GALM: variants seen among roughly 807,000 people sequenced by gnomAD.
GALM encodes aldose 1-epimerase.
A neutral mutation model predicts 37.4 loss-of-function variants in GALM; 43 were observed. The ratio of observed to expected loss-of-function variants is 1.15; its 90% confidence interval spans 0.90 to 1.48. The LOEUF (loss-of-function observed/expected upper bound fraction) is 1.48. Ranked by LOEUF, GALM falls within the 40% of genes most tolerant of loss-of-function variation. The probability of loss-of-function intolerance (pLI) is 0.00; values close to 1 mark genes in which losing one functional copy is unlikely to be tolerated. For synonymous variants in GALM, 199 were observed against 170.6 expected, an observed-to-expected ratio of 1.17 and a Z score of -1.30; for missense variants, 456 against 419.1, an observed-to-expected ratio of 1.09 and a Z score of -0.77.
chr2:38,727,882 A>G lies in GALM; in HGVS notation c.635-1674A>G, dbSNP rs1408065934. The stretch of plus-strand genomic sequence containing the variant: ...CTTCTTTTACTTTTTAAATTATTTT[A>G]ATGGTAAGGTACAAGTTCCTGCTTT... On this transcript the variant is annotated intron_variant, in intron 4 of 6. Transcript: ENST00000272252. Among the ~76,000 whole-genome samples, 4 of 152,180 alleles carry G rather than the reference A, an allele frequency of 2.6e-5. No homozygotes were observed. The South Asian group carries it at 6.2e-4, about 24-fold the overall frequency.
rs536948944 is a variant in GALM, at chr2:38,698,642, G to A, written c.634+8748G>A. On this transcript the variant is annotated intron_variant, in intron 4 of 6. Transcript: ENST00000272252. ...TTCTATGTTTATTGTTGTCAGGGCT[G>A]TCCCTGTAATTTCCCAGAAGTAGAA... is the stretch of plus-strand genomic sequence containing the variant. Among the ~76,000 whole-genome samples, 3 of 152,304 alleles carry A rather than the reference G, an allele frequency of 2.0e-5. No individual in the cohort carries two copies. The South Asian group carries it at 6.2e-4, about 32-fold the overall frequency.
At chr2:38,698,637 G>C (rs557569614) in intron 4 of GALM, among the ~76,000 whole-genome samples, 1 of 152,270 alleles carries the variant, frequency 6.6e-6, no homozygotes, top group South Asian at 2.1e-4. Context: ...ATTGTTGTCA[G>C]GGCTGTCCCT....
intron 6 of GALM, among the ~76,000 whole-genome samples, chr2:38,732,137 A>G (rs1403864239): frequency 2.0e-5 from 3 of 151,968 alleles, no homozygotes; most frequent in Admixed American, 1.3e-4. Flanking sequence ...GCTCACTGCA[A>G]CCTCCGCCTC....
intron 4 of GALM, among the ~76,000 whole-genome samples, chr2:38,728,607 C>T (rs1317473963): frequency 2.6e-5 from 4 of 152,154 alleles, no homozygotes; most frequent in African/African-American, 9.7e-5. Flanking sequence ...ATCACTTGAA[C>T]CCAGGAGGCG....
At position 38,666,131 on chromosome 2, in the gene GALM, G is replaced by A; in HGVS notation, c.-31G>A. On this transcript the variant is annotated 5_prime_UTR_variant, in exon 1 of 7. Transcript: ENST00000272252. The stretch of plus-strand genomic sequence containing the variant: ...TAGCGAGCGCTGGAGTTTGAAGAGC[G>A]GGCAGTGGCTGCACACGCCAAACTT... 6 of 1,583,994 alleles carry A rather than the reference G, an allele frequency of 3.8e-6. No homozygotes were observed. Among genetic ancestry groups the A allele is most frequent in the Middle Eastern group, 3.5e-4 (2 of 5,662 alleles).
At chr2:38,670,649 A>C (rs953602509) in intron 1 of GALM, among the ~76,000 whole-genome samples, 1 of 152,208 alleles carries the variant, frequency 6.6e-6, no homozygotes. Context: ...ATCTGACCAC[A>C]TATTTGATAC....
At chr2:38,724,512 A>G (rs552604011) in intron 4 of GALM, among the ~76,000 whole-genome samples, 15 of 152,300 alleles carry the variant, frequency 9.8e-5, no homozygotes, top group African/African-American at 3.6e-4. Context: ...GGGCCCAGAG[A>G]CATGGCGAAT....
At chr2:38,698,197 G>T (rs1430400077) in intron 4 of GALM, among the ~76,000 whole-genome samples, 1 of 152,076 alleles carries the variant, frequency 6.6e-6, no homozygotes, top group Non-Finnish European at 1.5e-5. Context: ...GCTCACCTCA[G>T]CCTTTCAAAG....
intron 4 of GALM, among the ~76,000 whole-genome samples, chr2:38,729,042 A>C (rs370321229): frequency 6.6e-5 from 10 of 152,198 alleles, no homozygotes; most frequent in Admixed American, 6.5e-4. Context: ...GAATCCATGG[A>C]GGATTGGTTC....
intron 4 of GALM, among the ~76,000 whole-genome samples, chr2:38,700,407 C>T (rs78602186): frequency 0.1 from 15,931 of 152,130 alleles, 918 homozygotes; most frequent in African/African-American, 0.13. Context: ...TGTATCTGGG[C>T]GCTCCAGTGT....
At position 38,681,318 on chromosome 2, in the gene GALM, G is replaced by C; in HGVS notation, c.384G>C (p.Gln128His). 1 of 1,613,836 alleles carries C rather than the reference G, an allele frequency of 6.2e-7. No homozygotes were observed. Among genetic ancestry groups the C allele is most frequent in the African/African-American group, 1.3e-5 (1 of 75,028 alleles). ...WTPRVLSNGVQFSRISPDGEE... is the reference protein window; with the variant it reads ...WTPRVLSNGVHFSRISPDGEE... Reference sequence around the variant, plus strand: ...CTCGGGTGCTGTCAAATGGCGTCCAGTTCTCGCGCATCAGTCCAGATGGTG... The same window carrying C: ...CTCGGGTGCTGTCAAATGGCGTCCACTTCTCGCGCATCAGTCCAGATGGTG... Residue 128 changes from glutamine to histidine, a missense_variant, in exon 3 of 7, where the codon CAG becomes CAC. By Grantham distance (24) the Gln-to-His change is conservative. Transcript: ENST00000272252.
At chr2:38,678,327 T>A (rs1056497278) in intron 2 of GALM, among the ~76,000 whole-genome samples, 10 of 152,030 alleles carry the variant, frequency 6.6e-5, no homozygotes, top group African/African-American at 2.4e-4. Context: ...CATTTTTTTT[T>A]AAGATGACAG....
At chr2:38,702,125 T>C (rs1018324793) in intron 4 of GALM, among the ~76,000 whole-genome samples, 1 of 151,970 alleles carries the variant, frequency 6.6e-6, no homozygotes, top group Admixed American at 6.6e-5. Flanking sequence ...ATGGGCTTCA[T>C]AAAGTGGGAT....
chr2:38,667,924 G>T (rs1664997434), intron 1 of GALM, among the ~76,000 whole-genome samples: 1 of 152,162 alleles, frequency 6.6e-6, no homozygotes, highest in South Asian at 2.1e-4. Context: ...ATTCCAGAGG[G>T]GTCCTGCCCC....
chr2:38,706,593 T>C (rs1666040327), intron 4 of GALM, among the ~76,000 whole-genome samples: 1 of 150,534 alleles, frequency 6.6e-6, no homozygotes, highest in Non-Finnish European at 1.5e-5. Context: ...GGCTCAAGGA[T>C]TCCTTGAGCC....
chr2:38,733,128 G>A (rs1666639912), intron 6 of GALM, among the ~76,000 whole-genome samples: 1 of 150,986 alleles, frequency 6.6e-6, no homozygotes, highest in Admixed American at 6.6e-5. Flanking sequence ...GGCTGAGGCA[G>A]GAGAATCGCT....
intron 6 of GALM, among the ~76,000 whole-genome samples, chr2:38,732,526 G>T (rs922088466): frequency 6.6e-6 from 1 of 152,126 alleles, no homozygotes; most frequent in African/African-American, 2.4e-5. Context: ...CACACTTAAG[G>T]AGAGCTTCCA....
chr2:38,680,188 T>A, intron 2 of GALM: 1 of 339,942 alleles, frequency 2.9e-6, no homozygotes, highest in Non-Finnish European at 5.7e-6. Context: ...CTCGCTAATT[T>A]TTTTAAACTT....
At chr2:38,727,969 G>A (rs982763847) in intron 4 of GALM, among the ~76,000 whole-genome samples, 11 of 152,224 alleles carry the variant, frequency 7.2e-5, no homozygotes, top group Middle Eastern at 3.4e-3. Flanking sequence ...TGATTACAGT[G>A]GAAGCCAAGT....
Sources: allele counts gnomAD v4.1 joint callset (sites outside exome capture counted in the v4.1 genomes callset), GRCh38; gene constraint gnomAD v4.1.1; transcripts MANE v1.5; gene names NCBI Gene and HGNC (gene_info 2026-07-23, HGNC 2026-07-21).